The following DHTKD1 variants were observed in gnomAD, a reference collection of about 807,000 sequenced individuals.
The protein encoded by DHTKD1 is dehydrogenase E1 and transketolase domain containing 1.
DHTKD1 carries 78 observed loss-of-function variants against 101.8 expected under a neutral mutation model. That is an observed-to-expected ratio of 0.77 (90% CI 0.64 to 0.93). DHTKD1 has a LOEUF of 0.93. DHTKD1 is among the 40% of genes least tolerant of loss of function. The probability of loss-of-function intolerance (pLI) is 0.00; values close to 1 mark genes in which losing one functional copy is unlikely to be tolerated. For missense variants in DHTKD1, 1,223 were observed against 1,161.7 expected, an observed-to-expected ratio of 1.05 and a Z score of -0.77; for synonymous variants, 462 against 450.3, an observed-to-expected ratio of 1.03 and a Z score of -0.33.
chr10:12,077,296 C>T (rs1832748825), intron 1 of DHTKD1, among the ~76,000 whole-genome samples: 2 of 151,514 alleles, frequency 1.3e-5, no homozygotes, highest in African/African-American at 4.8e-5. Context: ...GGCACAACCT[C>T]GGATCACTGC....
chr10:12,092,990 T>G lies in DHTKD1; in HGVS notation c.1160-1083T>G, dbSNP rs937930119. Among the ~76,000 whole-genome samples the G allele has an allele frequency of 1.5e-4, 22 of 151,116 alleles. No homozygotes were observed. In the South Asian group the frequency reaches 4.4e-3, roughly 30 times the overall value. The stretch of plus-strand genomic sequence containing the variant: ...CATCCCTGGCTCAAGAGATCCTCCC[T>G]CCTCAGCCTCCTTAGTAGCTGCGAT... On this transcript the variant is annotated intron_variant, in intron 6 of 16. Transcript: ENST00000263035.
intron 15 of DHTKD1, 34 bp downstream of exon 15, chr10:12,118,952 C>T: frequency 1.4e-6 from 2 of 1,466,788 alleles, no homozygotes; most frequent in Non-Finnish European, 1.8e-6. Flanking sequence ...TTTTGATGTT[C>T]AGATACCCAA....
Position 12,107,925 on chromosome 10 carries a change from C to T in DHTKD1, c.2064C>T (p.Leu688=), listed in dbSNP as rs1266698260. 3.1e-6 allele frequency: 5 copies of T among 1,613,628 alleles called. No homozygotes were observed. The highest frequency in any genetic ancestry group is 3.3e-4 in the Middle Eastern group (2 of 6,062). Residue 688 remains leucine, a synonymous_variant, in exon 12 of 17, where the codon CTC becomes CTT. Transcript: ENST00000263035. This position sits in a 1 kb window ranked among gnomAD's most constrained non-coding sequence, Gnocchi z 4.1. ...TFISGGEAKW[L]LQSGIVILLP... ...CTTTTCCAGGAGAGGCCAAGTGGCT[C>T]CTACAAAGCGGCATCGTCATCCTCC...
Position 12,081,621 on chromosome 10 carries a change from A to G in DHTKD1, c.304A>G (p.Thr102Ala), listed in dbSNP as rs759279882. 3.1e-6 allele frequency: 5 copies of G among 1,614,072 alleles called. No individual in the cohort carries two copies. The East Asian group carries it at 8.9e-5, about 29-fold the overall frequency. ...GCAGACACTGCAGGGACCCTTCCAC[A>G]CGGCAGGTATGGCTTCTGCACAGCA... Reference protein sequence around the residue: ...LVQTLQGPFHTAGLLNMGKEE... With the variant: ...LVQTLQGPFHAAGLLNMGKEE... The change falls in exon 2 of 17, where the codon ACG (threonine) becomes GCG (alanine). Residue 102 changes from threonine to alanine, a missense_variant. By Grantham distance (58) the Thr-to-Ala change is moderately conservative. Transcript: ENST00000263035.
At chr10:12,100,287 G>GCTTTTTTTT (rs774056019) in intron 9 of DHTKD1, 25 bp downstream of exon 9, 2 of 272,274 alleles carry the variant, frequency 7.3e-6, no homozygotes, top group African/African-American at 7.2e-5. Flanking sequence ...TTTTTTTTCT[G>GCTTTTTTTT]TTTTTTTTTT....
intron 1 of DHTKD1, among the ~76,000 whole-genome samples, chr10:12,079,924 A>G (rs1041360727): frequency 4.6e-5 from 7 of 152,158 alleles, no homozygotes; most frequent in African/African-American, 1.7e-4. Context: ...TATGAGTGCA[A>G]ACACATCCTG....
In DHTKD1 at chr10:12,084,582, T is replaced by G; in HGVS notation, c.353T>G (p.Val118Gly). ...MGKEEASLEE[V>G]LVYLNQIYCG... ...AAGGAAGAGGCCTCACTTGAGGAAG[T>G]GTTAGTCTATCTCAATCAAATCTAC... The change falls in exon 3 of 17, where the codon GTG (valine) becomes GGG (glycine). Residue 118 changes from valine (V) to glycine (G), a missense_variant. Physicochemically the swap from Val to Gly is moderately radical, Grantham distance 109. Coordinates refer to ENST00000263035, the MANE Select transcript of DHTKD1 (RefSeq NM_018706.7). 3 of 1,613,382 alleles carry G rather than the reference T, an allele frequency of 1.9e-6. No individual in the cohort carries two copies. Among genetic ancestry groups the G allele is most frequent in the South Asian group, 1.1e-5 (1 of 91,054 alleles).
In DHTKD1 at chr10:12,097,691, A is replaced by C; in HGVS notation, c.1366A>C (p.Lys456Gln). 6.2e-7 allele frequency: 1 copy of C among 1,610,052 alleles called. No individual in the cohort carries two copies. The highest frequency in any genetic ancestry group is 1.1e-5 in the South Asian group (1 of 90,676). The change falls in exon 8 of 17, where the codon AAG (lysine) becomes CAG (glutamine). Residue 456 changes from lysine to glutamine, a missense_variant. By Grantham distance (53) the Lys-to-Gln change is moderately conservative. Coordinates refer to ENST00000263035, the MANE Select transcript of DHTKD1 (RefSeq NM_018706.7). ...CTTCTCTTTCTTGGGCAGAGCTCGAAAGAGCATTCCAGACACATATGCAGA... is the reference window on the plus strand; with the variant it reads ...CTTCTCTTTCTTGGGCAGAGCTCGACAGAGCATTCCAGACACATATGCAGA... The part of the protein sequence containing the change: ...PIMYKIIRAR[K>Q]SIPDTYAEHL...
At chr10:12,069,710 T>TTTTC (rs57894411) in intron 1 of DHTKD1, among the ~76,000 whole-genome samples, 2 of 111,472 alleles carry the variant, frequency 1.8e-5, no homozygotes, top group Non-Finnish European at 1.8e-5. Context: ...TTTTTTTTTT[T>TTTTC]CATTTTTAGT....
Position 12,107,844 on chromosome 10 carries a change from A to G in DHTKD1, c.2048-65A>G. ...AAACTAACATTGATTTCCCCAGCTG[A>G]GTCGTGTCAGGCCACTTTGTCCCCG... On this transcript the variant is annotated intron_variant, in intron 11 of 16. Transcript: ENST00000263035. The surrounding 1 kb of genome is among the most constrained non-coding windows in gnomAD (Gnocchi z 4.1). 1 of 1,061,770 alleles carries G rather than the reference A, an allele frequency of 9.4e-7. No homozygotes were observed. Among genetic ancestry groups the G allele is most frequent in the East Asian group, 2.4e-5 (1 of 41,946 alleles). 65.8% of individuals were successfully genotyped at this position (1,061,770 alleles called of 1,614,324 possible). A position where few individuals can be genotyped will look rare whatever the true frequency, so the allele number is the denominator to read the frequency against.
intron 1 of DHTKD1, among the ~76,000 whole-genome samples, chr10:12,077,378 C>T (rs1385405476): frequency 1.3e-5 from 2 of 152,092 alleles, no homozygotes; most frequent in East Asian, 1.9e-4. Flanking sequence ...CAGGTGTCTG[C>T]CACCAGGCCT....
intron 15 of DHTKD1, among the ~76,000 whole-genome samples, chr10:12,119,305 A>C (rs1264472096): frequency 7.1e-6 from 1 of 141,744 alleles, no homozygotes; most frequent in Non-Finnish European, 1.5e-5. Context: ...GTGTCAAAAA[A>C]AGACACAAAA....
intron 3 of DHTKD1, among the ~76,000 whole-genome samples, chr10:12,085,617 G>A (rs549303565): frequency 3.3e-5 from 5 of 152,178 alleles, no homozygotes; most frequent in East Asian, 1.9e-4. Context: ...AGTGGCTCGC[G>A]CCTGTCATCC....
In DHTKD1 at chr10:12,089,148, A is replaced by G; in HGVS notation, c.880A>G (p.Asn294Asp). ...LPNPSHLEAV[N>D]PVAVGKTRGR... ...CAATCCCTCGCACCTGGAGGCCGTC[A>G]ACCCCGTGGCCGTGGGCAAAACTCG... is the stretch of plus-strand genomic sequence containing the variant. The change falls in exon 5 of 17, where the codon AAC (asparagine) becomes GAC (aspartate). Residue 294 changes from asparagine (N) to aspartate (D), a missense_variant. Coordinates refer to ENST00000263035, the MANE Select transcript of DHTKD1 (RefSeq NM_018706.7). 1 of 1,614,190 alleles carries G rather than the reference A, an allele frequency of 6.2e-7. No individual in the cohort carries two copies. Among genetic ancestry groups the G allele is most frequent in the Non-Finnish European group, 8.5e-7 (1 of 1,180,036 alleles).
chr10:12,077,353 G>A (rs1187437109), intron 1 of DHTKD1, among the ~76,000 whole-genome samples: 1 of 151,710 alleles, frequency 6.6e-6, no homozygotes, highest in East Asian at 1.9e-4. Flanking sequence ...TCATCTTCCT[G>A]AGTAGCTGGG....
chr10:12,106,371 C>T lies in DHTKD1; in HGVS notation c.2022C>T (p.Ile674=), dbSNP rs1457060881. 4 of 1,614,212 alleles carry T rather than the reference C, an allele frequency of 2.5e-6. No homozygotes were observed. The highest frequency in any genetic ancestry group is 3.4e-6 in the Non-Finnish European group (4 of 1,180,038). ...QFGDFFNGAQ[I]IFDTFISGGE... ...GCGATTTCTTCAATGGTGCCCAGAT[C>T]ATCTTTGACACATTCATCTCTGGAG... Residue 674 remains isoleucine, a synonymous_variant, in exon 11 of 17, where the codon ATC becomes ATT. Coordinates refer to ENST00000263035, the MANE Select transcript of DHTKD1 (RefSeq NM_018706.7).
intron 15 of DHTKD1, among the ~76,000 whole-genome samples, chr10:12,119,445 C>G (rs1833481966): frequency 2.0e-5 from 3 of 150,354 alleles, no homozygotes; most frequent in South Asian, 4.2e-4. Context: ...GAAACCCCGT[C>G]TCTACTGAAA....
In DHTKD1 at chr10:12,121,296, AAAG is replaced by A. The variant is rs1588622233; in HGVS notation, c.*410_*412del. On this transcript the variant is annotated 3_prime_UTR_variant, in exon 17 of 17. Transcript: ENST00000263035. ...TCAACCCCTCTGTTGGGTAACATGA[AAAG>A]ACTGTATTCCTCTAAGATGTTGGGA... 1 of 191,196 alleles carries A rather than the reference AAAG, an allele frequency of 5.2e-6. No individual in the cohort carries two copies. Among genetic ancestry groups the A allele is most frequent in the East Asian group, 1.2e-4 (1 of 8,392 alleles). The allele number at this position is 191,196 out of a possible 1,614,324, so 11.8% of individuals were successfully genotyped here.
rs142137543 is a variant in DHTKD1, at chr10:12,113,930, G to T, written c.2319+866G>T. On this transcript the variant is annotated intron_variant, in intron 13 of 16. Coordinates refer to ENST00000263035, the MANE Select transcript of DHTKD1 (RefSeq NM_018706.7). ...GCAAGACATTGTCTGAAAAAGAAAAGAAAAAGTTTTAAAGCCCATATGGTC... is the reference window on the plus strand; with the variant it reads ...GCAAGACATTGTCTGAAAAAGAAAATAAAAAGTTTTAAAGCCCATATGGTC... Among the ~76,000 whole-genome samples the T allele has an allele frequency of 6.1e-3, 931 of 151,984 alleles. 10 individuals are homozygous for T. The highest frequency in any genetic ancestry group is 0.021 in the African/African-American group (862 of 41,476).
Sources: allele counts gnomAD v4.1 joint callset (sites outside exome capture counted in the v4.1 genomes callset), GRCh38; gene constraint gnomAD v4.1.1; non-coding constraint Gnocchi (gnomAD v3.1); transcripts MANE v1.5; gene names NCBI Gene and HGNC (gene_info 2026-07-23, HGNC 2026-07-21).